The following SNX4 variants were observed in gnomAD, a reference collection of about 807,000 sequenced individuals.
The protein encoded by SNX4 is sorting nexin-4.
A neutral mutation model predicts 70.8 loss-of-function variants in SNX4; 49 were observed. The observed-to-expected ratio is 0.69, with a 90% CI of 0.55 to 0.88. SNX4 has a LOEUF of 0.88. SNX4 is among the 40% of genes least tolerant of loss of function. SNX4 has a pLI of 0.00. For synonymous variants in SNX4, 206 were observed against 183.8 expected, an observed-to-expected ratio of 1.12 and a Z score of -0.98; for missense variants, 528 against 544.8, an observed-to-expected ratio of 0.97 and a Z score of 0.31.
intron 5 of SNX4, among the ~76,000 whole-genome samples, chr3:125,491,429 G>C (rs922003189): frequency 6.6e-6 from 1 of 152,042 alleles, no homozygotes; most frequent in Admixed American, 6.6e-5. Flanking sequence ...TTTAACACCA[G>C]CAATTTATTT....
chr3:125,493,685 T>G (rs992678970), intron 5 of SNX4, among the ~76,000 whole-genome samples: 1 of 149,074 alleles, frequency 6.7e-6, no homozygotes, highest in Non-Finnish European at 1.5e-5. Context: ...AAAAAGAAAC[T>G]AAATTTTATG....
At chr3:125,476,922 C>T (rs1298116790) in intron 7 of SNX4, among the ~76,000 whole-genome samples, 166 bp from the exon 8 acceptor site, 2 of 152,160 alleles carry the variant, frequency 1.3e-5, no homozygotes, top group South Asian at 2.1e-4. Flanking sequence ...AAAACCAGTG[C>T]TCTTACCATA....
At chr3:125,485,536 G>A (rs1161285168) in intron 6 of SNX4, among the ~76,000 whole-genome samples, 1 of 152,118 alleles carries the variant, frequency 6.6e-6, no homozygotes. Flanking sequence ...GGCCTCAAGT[G>A]ATCCGCCTGC....
At position 125,469,653 on chromosome 3, in the gene SNX4, A is replaced by G. The variant is rs190148379; in HGVS notation, c.789-134T>C. On this transcript the variant is annotated intron_variant, in intron 8 of 13. Coordinates refer to ENST00000251775, the MANE Select transcript of SNX4 (RefSeq NM_003794.4). ...GCACCCGTATTTGGGTTTATTTTGT[A>G]TAACTCAAATATGCTGTTTTCCCCT... The G allele has an allele frequency of 6.0e-5, 37 of 617,446 alleles. No homozygotes were observed. In the Admixed American group the frequency reaches 1.0e-3, roughly 17 times the overall value. The allele number at this position is 617,446 out of a possible 1,614,324, so 38.2% of individuals were successfully genotyped here.
chr3:125,476,849 A>C (rs1934300259), intron 7 of SNX4, 93 bp from the exon 8 acceptor site: 2 of 687,372 alleles, frequency 2.9e-6, no homozygotes, highest in East Asian at 2.9e-5. Context: ...TGCTTACTAC[A>C]ATAAACTTGG....
chr3:125,501,396 G>A (rs1934929373), intron 2 of SNX4, among the ~76,000 whole-genome samples: 1 of 152,178 alleles, frequency 6.6e-6, no homozygotes, highest in African/African-American at 2.4e-5. Flanking sequence ...AAGGCAGGCA[G>A]ATCACCTGAG....
chr3:125,461,205 G>A (rs1394015236), intron 9 of SNX4, among the ~76,000 whole-genome samples: 1 of 152,138 alleles, frequency 6.6e-6, no homozygotes, highest in Admixed American at 6.6e-5. Context: ...CAGCCTGGGT[G>A]ACACAGCAAG....
At chr3:125,478,640 T>A (rs1934339146) in intron 7 of SNX4, among the ~76,000 whole-genome samples, 1 of 151,908 alleles carries the variant, frequency 6.6e-6, no homozygotes, top group South Asian at 2.1e-4. Context: ...CTTTTCTAGA[T>A]CCCTGTACTT....
intron 11 of SNX4, among the ~76,000 whole-genome samples, chr3:125,454,221 C>T (rs1178732598): frequency 6.6e-6 from 1 of 152,208 alleles, no homozygotes; most frequent in Non-Finnish European, 1.5e-5. Context: ...TCCCCAACCC[C>T]AGAGCCACGG....
intron 5 of SNX4, among the ~76,000 whole-genome samples, chr3:125,495,781 G>A (rs1012090810): frequency 2.0e-5 from 3 of 152,022 alleles, no homozygotes; most frequent in Non-Finnish European, 2.9e-5. Flanking sequence ...TAAATTTTTT[G>A]TTATATAAAG....
intron 5 of SNX4, among the ~76,000 whole-genome samples, chr3:125,492,680 T>G (rs1447982678): frequency 1.3e-5 from 2 of 152,202 alleles, no homozygotes; most frequent in Non-Finnish European, 2.9e-5. Context: ...GCTAACTTAA[T>G]GTCTCCAATC....
intron 8 of SNX4, among the ~76,000 whole-genome samples, chr3:125,470,634 T>TA (rs1410904753): frequency 1.3e-5 from 2 of 151,478 alleles, no homozygotes; most frequent in Non-Finnish European, 2.9e-5. Flanking sequence ...TCCATGAAAT[T>TA]AAAAAAAAGA....
chr3:125,511,482 A>G (rs891421026), intron 1 of SNX4, among the ~76,000 whole-genome samples: 1 of 152,198 alleles, frequency 6.6e-6, no homozygotes, highest in Admixed American at 6.5e-5. Flanking sequence ...TTTTAAGAAG[A>G]GCAGACTCCT....
In SNX4 at chr3:125,464,749, T is replaced by G. The variant is rs549275518; in HGVS notation, c.855-3889A>C. Among the ~76,000 whole-genome samples the G allele has an allele frequency of 2.0e-5, 3 of 151,784 alleles. No individual in the cohort carries two copies. The South Asian group carries it at 6.3e-4, about 32-fold the overall frequency. ...ACCACTCCCTGCTAATTTTTGTAGT[T>G]TTGGTTTTTTTGAGACAAAGTCTTG... On this transcript the variant is annotated intron_variant, in intron 9 of 13. Transcript: ENST00000251775.
intron 1 of SNX4, among the ~76,000 whole-genome samples, chr3:125,507,984 A>G (rs1234325080): frequency 6.6e-6 from 1 of 152,176 alleles, no homozygotes; most frequent in Non-Finnish European, 1.5e-5. Context: ...TAGCATCAAA[A>G]AGAAAAAATA....
chr3:125,506,954 C>A (rs1375123570), intron 1 of SNX4, among the ~76,000 whole-genome samples: 1 of 148,834 alleles, frequency 6.7e-6, no homozygotes, highest in Non-Finnish European at 1.5e-5. Flanking sequence ...GTAATCCCAG[C>A]ACTTTGGGAG....
chr3:125,511,736 A>C (rs2107572748), intron 1 of SNX4, among the ~76,000 whole-genome samples: 1 of 152,274 alleles, frequency 6.6e-6, no homozygotes, highest in South Asian at 2.1e-4. Flanking sequence ...TTTTAACTTA[A>C]TTTAAAATAT....
intron 1 of SNX4, among the ~76,000 whole-genome samples, chr3:125,514,953 T>C (rs1580013636): frequency 6.6e-6 from 1 of 151,978 alleles, no homozygotes; most frequent in East Asian, 1.9e-4. Flanking sequence ...TGTGAGCCAC[T>C]GCATCCAGCC....
intron 10 of SNX4, among the ~76,000 whole-genome samples, chr3:125,459,455 G>A (rs1170428828): frequency 1.3e-5 from 2 of 151,872 alleles, no homozygotes; most frequent in Non-Finnish European, 2.9e-5. Flanking sequence ...TTTCTTTTTT[G>A]AGACAGAATC....
Sources: allele counts gnomAD v4.1 joint callset (sites outside exome capture counted in the v4.1 genomes callset), GRCh38; gene constraint gnomAD v4.1.1; transcripts MANE v1.5; gene names NCBI Gene and HGNC (gene_info 2026-07-23, HGNC 2026-07-21).